The following NRG3 variants were observed in gnomAD, a reference collection of about 807,000 sequenced individuals.
NRG3 encodes the protein neuregulin 3.
A neutral mutation model predicts 66.9 loss-of-function variants in NRG3; 31 were observed. That is an observed-to-expected ratio of 0.46 (90% CI 0.35 to 0.63). The LOEUF is 0.63. NRG3 is among the 20% of genes least tolerant of loss of function. The pLI is 0.00. For synonymous variants in NRG3, 393 were observed against 359.4 expected (o/e 1.09, Z -1.06); for missense variants, 910 against 878.9 (o/e 1.04, Z -0.45).
At chr10:81,969,615 A>C (rs2059852559) in intron 1 of NRG3, among the ~76,000 whole-genome samples, 1 of 152,228 alleles carries the variant, frequency 6.6e-6, no homozygotes, top group African/African-American at 2.4e-5. Context: ...GACAAGAGTA[A>C]GTTACCTTTC....
intron 1 of NRG3, among the ~76,000 whole-genome samples, chr10:82,123,934 A>T (rs1315637087): frequency 1.3e-5 from 2 of 151,928 alleles, no homozygotes; most frequent in African/African-American, 4.8e-5. Context: ...TTCATTTGAC[A>T]TCTGATACTC....
chr10:82,091,669 A>G (rs1470252412), intron 1 of NRG3, among the ~76,000 whole-genome samples: 1 of 152,184 alleles, frequency 6.6e-6, no homozygotes, highest in Non-Finnish European at 1.5e-5. Context: ...TTGTGTGTAT[A>G]TGCCAAAAAA....
intron 2 of NRG3, among the ~76,000 whole-genome samples, chr10:82,639,557 G>T (rs953365940): frequency 1.1e-4 from 16 of 152,304 alleles, no homozygotes; most frequent in Non-Finnish European, 4.4e-5. Context: ...GGGATATTTA[G>T]CTGGAAAGAT....
At chr10:82,188,784 G>T (rs532480743) in intron 1 of NRG3, among the ~76,000 whole-genome samples, 95 of 152,192 alleles carry the variant, frequency 6.2e-4, no homozygotes, top group Middle Eastern at 3.4e-3. Context: ...GCTGGGAAGG[G>T]TAGCGGGAGG....
At chr10:82,900,877 G>C (rs967705912) in intron 4 of NRG3, among the ~76,000 whole-genome samples, 2 of 152,024 alleles carry the variant, frequency 1.3e-5, no homozygotes, top group Non-Finnish European at 2.9e-5. Flanking sequence ...TTTTTTCATG[G>C]ATTTTGCCTT....
intron 2 of NRG3, among the ~76,000 whole-genome samples, chr10:82,481,361 T>C (rs1291697363): frequency 6.6e-6 from 1 of 152,156 alleles, no homozygotes; most frequent in East Asian, 1.9e-4. Flanking sequence ...AAGTGCAGCG[T>C]GTCTGATCCC....
chr10:82,799,920 T>G (rs529119993), intron 3 of NRG3: 1 of 152,330 alleles, frequency 6.6e-6, no homozygotes, highest in African/African-American at 2.4e-5. Flanking sequence ...CCCTTTGACT[T>G]TTTATCTTGC....
At chr10:82,060,731 G>T (rs571655987) in intron 1 of NRG3, among the ~76,000 whole-genome samples, 1 of 152,118 alleles carries the variant, frequency 6.6e-6, no homozygotes. Context: ...TGGAATTATT[G>T]GTGCCTCTCA....
At chr10:82,589,767 T>G (rs998958574) in intron 2 of NRG3, among the ~76,000 whole-genome samples, 5 of 152,170 alleles carry the variant, frequency 3.3e-5, no homozygotes, top group Admixed American at 2.0e-4. Context: ...GATTCACTTT[T>G]TCATGTATCA....
intron 2 of NRG3, among the ~76,000 whole-genome samples, chr10:82,728,274 G>A (rs2057715493): frequency 6.6e-6 from 1 of 152,116 alleles, no homozygotes; most frequent in Non-Finnish European, 1.5e-5. Context: ...AATATGGTTT[G>A]GCTGTGTCCC....
At chr10:82,487,658 A>G in intron 2 of NRG3, among the ~76,000 whole-genome samples, 1 of 152,218 alleles carries the variant, frequency 6.6e-6, no homozygotes, top group East Asian at 1.9e-4. Context: ...TATTATACAC[A>G]GTTTATTAGA....
intron 1 of NRG3, among the ~76,000 whole-genome samples, chr10:81,951,058 G>T (rs1213628273): frequency 2.0e-5 from 3 of 152,142 alleles, no homozygotes; most frequent in Non-Finnish European, 4.4e-5. Context: ...TTACAGATTG[G>T]TTAGAACATC....
At chr10:82,816,825 C>T (rs968749155) in intron 3 of NRG3, among the ~76,000 whole-genome samples, 11 of 152,204 alleles carry the variant, frequency 7.2e-5, no homozygotes, top group Non-Finnish European at 4.4e-5. Context: ...CCATGCTTCT[C>T]CTGCTGCAAC....
chr10:82,760,074 G>A (rs567043906), intron 3 of NRG3, among the ~76,000 whole-genome samples: 39 of 152,204 alleles, frequency 2.6e-4, no homozygotes, highest in African/African-American at 9.1e-4. Context: ...CTGGATACTT[G>A]CAGAAAAAAG....
rs183812199 is a variant in NRG3, at chr10:82,835,835, A to G, written c.1028-29576A>G. Reference sequence around the variant, plus strand: ...TTGGGGACTGTAGAATAGGTACTGAAGAAGAAAGAATGCCTCGCTTAAGTT... The same window carrying G: ...TTGGGGACTGTAGAATAGGTACTGAGGAAGAAAGAATGCCTCGCTTAAGTT... On this transcript the variant is annotated intron_variant, in intron 3 of 8. Coordinates refer to ENST00000372141, the MANE Select transcript of NRG3 (RefSeq NM_001010848.4). 3.2e-3 allele frequency among the ~76,000 whole-genome samples: 482 copies of G among 152,258 alleles called. 8 individuals carry two copies. The highest frequency in any genetic ancestry group is 1.4e-3 in the Non-Finnish European group (94 of 68,008).
At chr10:82,336,156 G>C (rs1277878358) in intron 1 of NRG3, among the ~76,000 whole-genome samples, 2 of 152,098 alleles carry the variant, frequency 1.3e-5, no homozygotes, top group Non-Finnish European at 2.9e-5. Context: ...CTTTGTGAAG[G>C]GTTCGCCAGG....
intron 2 of NRG3, among the ~76,000 whole-genome samples, chr10:82,412,383 G>A (rs1379213946): frequency 6.6e-6 from 1 of 152,136 alleles, no homozygotes; most frequent in Non-Finnish European, 1.5e-5. Context: ...ACACTATACT[G>A]TAGTCTATAA....
At position 82,626,261 on chromosome 10, in the gene NRG3, G is replaced by A. The variant is rs568451052; in HGVS notation, c.954-112316G>A. Among the ~76,000 whole-genome samples, 3 of 152,228 alleles carry A rather than the reference G, an allele frequency of 2.0e-5. No individual in the cohort carries two copies. In the South Asian group the frequency reaches 6.2e-4, roughly 32 times the overall value. On this transcript the variant is annotated intron_variant, in intron 2 of 8. Transcript: ENST00000372141. Reference sequence around the variant, plus strand: ...AAGTTTGCTTGATGGGCTTTAGCAGGTTTCTTGTTGAGGTTATGAGAACAA... The same window carrying A: ...AAGTTTGCTTGATGGGCTTTAGCAGATTTCTTGTTGAGGTTATGAGAACAA...
At chr10:82,600,394 T>C (rs929059670) in intron 2 of NRG3, among the ~76,000 whole-genome samples, 1 of 152,250 alleles carries the variant, frequency 6.6e-6, no homozygotes. Flanking sequence ...TAATATACTA[T>C]TATAGTCCTT....
Sources: gnomAD v4.1 joint callset for allele counts (sites outside exome capture counted in the v4.1 genomes callset) on GRCh38, gnomAD v4.1.1 for gene constraint, MANE v1.5 for transcripts, NCBI Gene and HGNC (gene_info 2026-07-23, HGNC 2026-07-21) for gene names.